Variants in GUSB observed in about 807,000 individuals in gnomAD.
GUSB encodes the protein glucuronidase beta.
Under a neutral mutation model 74.6 loss-of-function variants are expected in GUSB, and 51 were observed. That is an observed-to-expected ratio of 0.68 (90% CI 0.55 to 0.86). The LOEUF is 0.86. Among genes scored for constraint, GUSB ranks in the 40% least tolerant of loss-of-function variants. The probability of loss-of-function intolerance (pLI) is 0.00; values close to 1 mark genes in which losing one functional copy is unlikely to be tolerated. For synonymous variants in GUSB, 360 were observed against 348.3 expected (o/e 1.03, Z -0.37); for missense variants, 736 against 853.7 (o/e 0.86, Z 1.72).
At chr7:65,980,570 G>A (rs1791941657) in intron 1 of GUSB, 161 bp from the exon 2 acceptor site, 3 of 693,838 alleles carry the variant, frequency 4.3e-6, no homozygotes, top group Middle Eastern at 3.8e-4. Flanking sequence ...CAACTGCCAG[G>A]GCGATCTGTG....
At position 65,979,772 on chromosome 7, in the gene GUSB, G is replaced by A. The variant is rs1427132394; in HGVS notation, c.536C>T (p.Thr179Ile). ...TTGGATGGTCCCTGGTGGCAGGGTG[G>A]TGGGGGTGAGTGTGTTGTTGATGGC... ...TIAINNTLTPTTLPPGTIQYL... is the reference protein window; with the variant it reads ...TIAINNTLTPITLPPGTIQYL... Residue 179 changes from threonine to isoleucine, a missense_variant, in exon 3 of 12, where the codon ACC (threonine) becomes ATC (isoleucine). Transcript: ENST00000304895. The A allele has an allele frequency of 1.9e-6, 3 of 1,613,836 alleles. No homozygotes were observed. Among genetic ancestry groups the A allele is most frequent in the Non-Finnish European group, 2.5e-6 (3 of 1,180,006 alleles).
chr7:65,975,773 G>A, intron 5 of GUSB: 1 of 428,838 alleles, frequency 2.3e-6, no homozygotes. Flanking sequence ...ACTGCTGCAG[G>A]CTGAGAGTTC....
At chr7:65,964,294 G>A (rs1790686383) in intron 11 of GUSB, 29 bp downstream of exon 11, 20 of 1,598,828 alleles carry the variant, frequency 1.3e-5, no homozygotes, top group East Asian at 2.2e-5. Context: ...GGACGGGTAC[G>A]TTATCCCATG....
At chr7:65,977,866 A>G (rs896167119) in intron 4 of GUSB, among the ~76,000 whole-genome samples, 2 of 152,028 alleles carry the variant, frequency 1.3e-5, no homozygotes, top group African/African-American at 4.8e-5. Flanking sequence ...GCTGGAGTGC[A>G]GTGATGCAAT....
intron 4 of GUSB, among the ~76,000 whole-genome samples, chr7:65,978,055 C>T (rs976385364): frequency 5.9e-5 from 9 of 152,138 alleles, no homozygotes; most frequent in Non-Finnish European, 1.5e-5. Flanking sequence ...CGTGATCCCC[C>T]CACCTTGGCC....
In GUSB at chr7:65,979,378, G is replaced by A. The variant is rs199953815; in HGVS notation, c.724+21C>T. 88 of 1,541,838 alleles carry A rather than the reference G, an allele frequency of 5.7e-5. No homozygotes were observed. The East Asian group carries it at 2.0e-3, about 35-fold the overall frequency. ...GAGCCACCCTGGGCCCCGCTGAGAG[G>A]ATCCTACCAGAAGCCCTCACCACTG... On this transcript the variant is annotated intron_variant, in intron 4 of 11. Transcript: ENST00000304895.
Position 65,969,734 on chromosome 7 carries a change from A to G in GUSB, c.1476+548T>C, listed in dbSNP as rs535128337. ...AGAAAAACTCAAGTTCCAACCCTGG[A>G]CGTACTAAATCAGGACCTCAGAATG... On this transcript the variant is annotated intron_variant, in intron 9 of 11. Coordinates refer to ENST00000304895, the MANE Select transcript of GUSB (RefSeq NM_000181.4). Among the ~76,000 whole-genome samples the G allele has an allele frequency of 3.9e-5, 6 of 152,290 alleles. No homozygotes were observed. The East Asian group carries it at 1.2e-3, about 29-fold the overall frequency.
In GUSB at chr7:65,976,115, G is replaced by A. The variant is rs369465888; in HGVS notation, c.812C>T (p.Ala271Val). ...RLLDAENKVVANGTGTQGQLK... is the reference protein window; with the variant it reads ...RLLDAENKVVVNGTGTQGQLK... Reference sequence around the variant, plus strand: ...TTGGCCCTGGGTCCCAGTCCCATTCGCCACGACTTTGTTTTCTGCATCCAA... The same window carrying A: ...TTGGCCCTGGGTCCCAGTCCCATTCACCACGACTTTGTTTTCTGCATCCAA... The change falls in exon 5 of 12, where the codon GCG becomes GTG. Residue 271 changes from alanine to valine, a missense_variant. Physicochemically the swap from Ala to Val is moderately conservative, Grantham distance 64 (BLOSUM62 0). This residue lies in a region of GUSB where 368 missense variants were observed against 363.8 expected (regional missense o/e 1.01). Transcript: ENST00000304895. 1.9e-5 allele frequency: 31 copies of A among 1,613,578 alleles called. No individual in the cohort carries two copies. Among genetic ancestry groups the A allele is most frequent in the African/African-American group, 9.3e-5 (7 of 74,884 alleles).
chr7:65,974,858 A>C, intron 6 of GUSB, 61 bp downstream of exon 6: 1 of 1,586,860 alleles, frequency 6.3e-7, no homozygotes, highest in Non-Finnish European at 8.6e-7. Flanking sequence ...GGACACAGGG[A>C]AGGCGAAAGT....
chr7:65,968,057 G>A, intron 9 of GUSB, 150 bp from the exon 10 acceptor site: 4 of 710,938 alleles, frequency 5.6e-6, no homozygotes, highest in South Asian at 2.9e-5. Flanking sequence ...CTTAAGACCA[G>A]CCTGGGCAAC....
At chr7:65,964,693 C>T (rs189225124) in intron 10 of GUSB, among the ~76,000 whole-genome samples, 2 of 151,874 alleles carry the variant, frequency 1.3e-5, no homozygotes, top group African/African-American at 4.8e-5. Context: ...TATTTATAAA[C>T]GTAATTTGAC....
intron 10 of GUSB, among the ~76,000 whole-genome samples, chr7:65,966,171 A>C (rs569277604): frequency 1.4e-5 from 2 of 143,326 alleles, no homozygotes; most frequent in Admixed American, 1.4e-4. Context: ...ACTCTGTGTC[A>C]AAAAAAAAAA....
At position 65,980,270 on chromosome 7, in the gene GUSB, G is replaced by T; in HGVS notation, c.350C>A (p.Thr117Lys). The T allele has an allele frequency of 1.9e-6, 3 of 1,550,478 alleles. No individual in the cohort carries two copies. The highest frequency in any genetic ancestry group is 2.6e-6 in the Non-Finnish European group (3 of 1,145,112). Residue 117 changes from threonine (T) to lysine (K), a missense_variant, in exon 2 of 12, where the codon ACA (threonine) becomes AAA (lysine). Around this residue, in one of 2 missense-constraint regions of GUSB, gnomAD observed 368 missense variants for 363.8 expected, o/e 1.01. Coordinates refer to ENST00000304895, the MANE Select transcript of GUSB (RefSeq NM_000181.4). ...LPERWTQDLRTRVVLRIGSAH... is the reference protein window; with the variant it reads ...LPERWTQDLRKRVVLRIGSAH... ...ACTGCCAATCCTCAGCACCACTCTTGTGCGCAGGTCCTGGGTCCATCGCTC... is the reference window on the plus strand; with the variant it reads ...ACTGCCAATCCTCAGCACCACTCTTTTGCGCAGGTCCTGGGTCCATCGCTC...
rs753922918 is a variant in GUSB at position 65,982,060 on chromosome 7, C to A, written c.124G>T (p.Asp42Tyr). Residue 42 changes from aspartate (D) to tyrosine (Y), a missense_variant, in exon 1 of 12, where the codon GAC becomes TAC. This residue lies in a region of GUSB where 368 missense variants were observed against 363.8 expected (regional missense o/e 1.01). Transcript: ENST00000304895. ...ESPSRECKEL[D>Y]GLWSFRADFS... ...TCGGCGCGGAAGCTCCAGAGGCCGT[C>A]CAGCTCCTTGCACTCCCGCGACGGG... 2.5e-6 allele frequency: 4 copies of A among 1,610,120 alleles called. No homozygotes were observed. The African/African-American group carries it at 5.4e-5, about 22-fold the overall frequency.
chr7:65,974,464 C>A, intron 7 of GUSB, 23 bp from the exon 8 acceptor site: 5 of 1,614,146 alleles, frequency 3.1e-6, no homozygotes, highest in Non-Finnish European at 4.2e-6. Context: ...AGGGAAGGGA[C>A]AGAGGGTCAC....
intron 9 of GUSB, 131 bp downstream of exon 9, chr7:65,970,151 T>C: frequency 2.8e-6 from 2 of 704,676 alleles, no homozygotes; most frequent in Non-Finnish European, 5.2e-6. Context: ...TCTATCTTTT[T>C]AAGTAAAAAA....
chr7:65,978,489 T>C (rs1339568290), intron 4 of GUSB, among the ~76,000 whole-genome samples: 1 of 151,424 alleles, frequency 6.6e-6, no homozygotes, highest in Non-Finnish European at 1.5e-5. Context: ...GTATCCCAGC[T>C]GGGCACAGTG....
chr7:65,961,111 G>A lies in GUSB; in HGVS notation c.1790-48C>T, dbSNP rs758534109. ...CAAAGCGATTCAGATGTCTTCTGAT[G>A]GGTCAAGTTAGAACCAGTCTGGAGC... On this transcript the variant is annotated intron_variant, in intron 11 of 11. Coordinates refer to ENST00000304895, the MANE Select transcript of GUSB (RefSeq NM_000181.4). 4 of 1,560,920 alleles carry A rather than the reference G, an allele frequency of 2.6e-6. No homozygotes were observed. The African/African-American group carries it at 4.1e-5, about 16-fold the overall frequency.
intron 2 of GUSB, 100 bp from the exon 3 acceptor site, chr7:65,980,011 CG>C: frequency 9.3e-7 from 1 of 1,071,998 alleles, no homozygotes; most frequent in Non-Finnish European, 1.4e-6. Context: ...CATGGGGCTC[CG>C]GGGCCTTCCA....
Sources: gnomAD v4.1 joint callset for allele counts (sites outside exome capture counted in the v4.1 genomes callset) on GRCh38, gnomAD v4.1.1 for gene constraint, gnomAD v4.1.1 regional missense constraint, MANE v1.5 for transcripts, NCBI Gene and HGNC (gene_info 2026-07-23, HGNC 2026-07-21) for gene names.